NRXN3: variants seen among roughly 807,000 people sequenced by gnomAD.
NRXN3 encodes the protein neurexin III.
NRXN3 carries 32 observed loss-of-function variants against 137.6 expected under a neutral mutation model. The ratio of observed to expected loss-of-function variants is 0.23; its 90% confidence interval spans 0.18 to 0.31. The LOEUF is 0.31. Among genes scored for constraint, NRXN3 ranks in the 10% least tolerant of loss-of-function variants. The pLI, the probability that NRXN3 is intolerant of heterozygous loss-of-function variation, is 1.00. For missense variants in NRXN3, 1,574 were observed against 2,062.5 expected, an observed-to-expected ratio of 0.76 and a Z score of 4.59; for synonymous variants, 798 against 784.5, an observed-to-expected ratio of 1.02 and a Z score of -0.29.
intron 3 of NRXN3, among the ~76,000 whole-genome samples, chr14:78,295,356 G>A (rs1335300820): frequency 6.6e-6 from 1 of 152,082 alleles, no homozygotes; most frequent in Admixed American, 6.6e-5. Context: ...GGTTTTATAA[G>A]TTGAATATGA....
chr14:78,738,246 G>C (rs1217036056), intron 8 of NRXN3, among the ~76,000 whole-genome samples: 1 of 152,220 alleles, frequency 6.6e-6, no homozygotes, highest in East Asian at 1.9e-4. Context: ...ACTGGGAATA[G>C]AGCAGGAGCT....
intron 14 of NRXN3, among the ~76,000 whole-genome samples, chr14:78,978,723 TA>T (rs1262457548): frequency 6.8e-6 from 1 of 148,030 alleles, no homozygotes; most frequent in Non-Finnish European, 1.5e-5. Context: ...ATATAATATA[TA>T]AAATATATAT....
chr14:78,278,540 A>C, intron 2 of NRXN3, 105 bp from the exon 3 acceptor site: 4 of 885,096 alleles, frequency 4.5e-6, no homozygotes, highest in African/African-American at 1.6e-5. Context: ...TAGTCATGCA[A>C]GAGCACATTG....
chr14:78,775,189 A>G (rs879481274), intron 8 of NRXN3, among the ~76,000 whole-genome samples: 14 of 152,256 alleles, frequency 9.2e-5, no homozygotes, highest in Admixed American at 2.0e-4. Context: ...AGAAATGCAC[A>G]GAAGTAAAAG....
At chr14:79,505,827 G>A (rs1054947314) in intron 16 of NRXN3, among the ~76,000 whole-genome samples, 5 of 152,184 alleles carry the variant, frequency 3.3e-5, no homozygotes, top group African/African-American at 1.2e-4. Context: ...TGACCACAAT[G>A]TTAGTGGCAT....
chr14:78,208,297 C>G (rs1279098073), intron 1 of NRXN3, among the ~76,000 whole-genome samples: 1 of 152,124 alleles, frequency 6.6e-6, no homozygotes, highest in Non-Finnish European at 1.5e-5. Flanking sequence ...CAAAACTGGA[C>G]ACTGTTGACC....
At chr14:78,433,209 A>G (rs2093952754) in intron 4 of NRXN3, among the ~76,000 whole-genome samples, 1 of 152,168 alleles carries the variant, frequency 6.6e-6, no homozygotes, top group Admixed American at 6.5e-5. Context: ...TTGTCAGCCA[A>G]GAGCTACTCT....
At chr14:78,417,688 G>A (rs1435067520) in intron 4 of NRXN3, among the ~76,000 whole-genome samples, 1 of 152,190 alleles carries the variant, frequency 6.6e-6, no homozygotes, top group Non-Finnish European at 1.5e-5. Context: ...AGAAGCACAT[G>A]AGCAGTGGAG....
chr14:79,394,432 C>T (rs1161240415), intron 15 of NRXN3, among the ~76,000 whole-genome samples: 2 of 152,180 alleles, frequency 1.3e-5, no homozygotes, highest in African/African-American at 4.8e-5. Flanking sequence ...AAAGAACTTG[C>T]TCCAAATCAT....
chr14:79,531,394 G>T (rs1013884830), intron 16 of NRXN3, among the ~76,000 whole-genome samples: 1 of 152,110 alleles, frequency 6.6e-6, no homozygotes, highest in Non-Finnish European at 1.5e-5. Context: ...ACTTAATGAA[G>T]GGTAGAACAT....
intron 16 of NRXN3, chr14:79,661,652 C>G (rs946242040): frequency 6.6e-6 from 1 of 152,056 alleles, no homozygotes; most frequent in African/African-American, 2.4e-5. Flanking sequence ...ATGAATAAAA[C>G]AAATGACTAA....
At chr14:79,747,710 A>G (rs1205343559) in intron 19 of NRXN3, among the ~76,000 whole-genome samples, 1 of 152,188 alleles carries the variant, frequency 6.6e-6, no homozygotes, top group Non-Finnish European at 1.5e-5. Context: ...GTTTTCTAAA[A>G]ATGAAAAACA....
chr14:79,630,511 G>A (rs1050640768), intron 16 of NRXN3, among the ~76,000 whole-genome samples: 2 of 152,116 alleles, frequency 1.3e-5, no homozygotes, highest in African/African-American at 4.8e-5. Context: ...TTCTACTTGG[G>A]ACTTGAATTA....
intron 10 of NRXN3, 62 bp from the exon 11 acceptor site, chr14:78,957,180 C>T: frequency 1.9e-6 from 3 of 1,583,548 alleles, no homozygotes; most frequent in South Asian, 2.3e-5. Context: ...TTTTGACAAC[C>T]CTGATGCATG....
At chr14:78,571,933 A>G (rs1398311809) in intron 4 of NRXN3, among the ~76,000 whole-genome samples, 3 of 152,130 alleles carry the variant, frequency 2.0e-5, no homozygotes, top group Admixed American at 6.5e-5. Flanking sequence ...TCTTATGCTG[A>G]GCAAATGTAT....
intron 4 of NRXN3, among the ~76,000 whole-genome samples, chr14:78,353,194 G>T (rs1188235245): frequency 3.3e-5 from 5 of 152,156 alleles, no homozygotes; most frequent in East Asian, 1.9e-4. Flanking sequence ...GTCAGGGAAA[G>T]CACAAGACCC....
chr14:79,476,100 A>G (rs1056693782), intron 16 of NRXN3, among the ~76,000 whole-genome samples: 1 of 152,072 alleles, frequency 6.6e-6, no homozygotes, highest in Non-Finnish European at 1.5e-5. Flanking sequence ...GTTCAGTGCA[A>G]CAGGGCAAGA....
intron 17 of NRXN3, among the ~76,000 whole-genome samples, chr14:79,681,671 TAGATTCAAACTGTTATGAGA>T (rs914301744): frequency 2.0e-5 from 3 of 151,808 alleles, no homozygotes; most frequent in Non-Finnish European, 4.4e-5. Flanking sequence ...GGTGAAAAGA[TAGATTCAAACTGTTATGAGA>T]GGAGTAAGAG....
chr14:78,954,231 C>G (rs1291065285), intron 10 of NRXN3, among the ~76,000 whole-genome samples: 1 of 152,114 alleles, frequency 6.6e-6, no homozygotes, highest in Non-Finnish European at 1.5e-5. Context: ...ATGAGTTGAC[C>G]TTTTGACTTG....
Sources: gnomAD v4.1 joint callset for allele counts (sites outside exome capture counted in the v4.1 genomes callset) on GRCh38, gnomAD v4.1.1 for gene constraint, MANE v1.5 for transcripts, NCBI Gene and HGNC (gene_info 2026-07-23, HGNC 2026-07-21) for gene names.